ZNF85: variants seen among roughly 807,000 people sequenced by gnomAD.
The protein encoded by ZNF85 is zinc finger protein 85 (HPF4, HTF1).
ZNF85 carries 50 observed loss-of-function variants against 53.9 expected under a neutral mutation model. The ratio of observed to expected loss-of-function variants is 0.93; its 90% CI spans 0.74 to 1.17. The LOEUF (loss-of-function observed/expected upper bound fraction) is 1.17, where lower values mean the gene tolerates loss of function less well. Ranked by LOEUF, ZNF85 falls within the 50% of genes most tolerant of loss-of-function variation. The pLI is 0.00. For missense variants in ZNF85, 747 were observed against 688.5 expected (o/e 1.08, Z -0.95); for synonymous variants, 225 against 226.1 (o/e 1.00, Z 0.04).
At chr19:20,944,502 ATATAT>A (rs1201107651) in intron 3 of ZNF85, among the ~76,000 whole-genome samples, 10 of 147,154 alleles carry the variant, frequency 6.8e-5, no homozygotes, top group South Asian at 4.2e-4. Flanking sequence ...TTATATACTT[ATATAT>A]TATATTAATA....
chr19:20,923,468 TG>T, intron 1 of ZNF85, 65 bp downstream of exon 1: 1 of 1,611,768 alleles, frequency 6.2e-7, no homozygotes, highest in East Asian at 2.2e-5. Flanking sequence ...GGGAAGCGGC[TG>T]TGGCGGGACT....
chr19:20,950,435 C>A lies in ZNF85; in HGVS notation c.*133C>A. 1 of 624,326 alleles carries A rather than the reference C, an allele frequency of 1.6e-6. No individual in the cohort carries two copies. The highest frequency in any genetic ancestry group is 2.6e-6 in the Non-Finnish European group (1 of 388,160). 38.7% of individuals were successfully genotyped at this position (624,326 alleles called of 1,614,324 possible). A position where few individuals can be genotyped will look rare whatever the true frequency, so the allele number is the denominator to read the frequency against. On this transcript the variant is annotated 3_prime_UTR_variant, in exon 4 of 4. Transcript: ENST00000328178. ...CCTCAGACTTATAAAAGTAATCATACTGGTGAGAAATTCTAAAAATGTGAA... is the reference window on the plus strand; with the variant it reads ...CCTCAGACTTATAAAAGTAATCATAATGGTGAGAAATTCTAAAAATGTGAA...
At chr19:20,947,055 A>G (rs1346611810) in intron 3 of ZNF85, among the ~76,000 whole-genome samples, 5 of 151,502 alleles carry the variant, frequency 3.3e-5, no homozygotes, top group Admixed American at 6.6e-5. Flanking sequence ...TTTTGTACTA[A>G]TATGCTTTCA....
intron 3 of ZNF85, among the ~76,000 whole-genome samples, chr19:20,937,610 C>T (rs1973190086): frequency 6.6e-6 from 1 of 152,130 alleles, no homozygotes; most frequent in African/African-American, 2.4e-5. Flanking sequence ...AATGGCAGGG[C>T]TTATATCAGG....
chr19:20,943,177 G>A (rs1004152901), intron 3 of ZNF85: 1 of 268,516 alleles, frequency 3.7e-6, no homozygotes, highest in Non-Finnish European at 6.9e-6. Context: ...GAAAAGTTTT[G>A]TACATGTCTG....
At chr19:20,926,634 C>G (rs1972885676) in intron 1 of ZNF85, 1 of 152,064 alleles carries the variant, frequency 6.6e-6, no homozygotes, top group Non-Finnish European at 1.5e-5. Flanking sequence ...GGGGAGCCTC[C>G]CCTGCAGATG....
At position 20,933,188 on chromosome 19, in the gene ZNF85, G is replaced by A. The variant is rs531266065; in HGVS notation, c.4-836G>A. Among the ~76,000 whole-genome samples, 132 of 106,734 alleles carry A rather than the reference G, an allele frequency of 1.2e-3. No individual in the cohort carries two copies. The East Asian group carries it at 0.018, about 15-fold the overall frequency. 70.0% of individuals were successfully genotyped at this position (106,734 alleles called of 152,430 possible). A position where few individuals can be genotyped will look rare whatever the true frequency, so the allele number is the denominator to read the frequency against. ...AGCCTGGGCAGCAGAGCGAGACTCC[G>A]TCTCAAAAAAAAAAAAAAAAAAAAT... On this transcript the variant is annotated intron_variant, in intron 1 of 3. Coordinates refer to ENST00000328178, the MANE Select transcript of ZNF85 (RefSeq NM_003429.5).
chr19:20,933,956 TATGTGTG>T, intron 1 of ZNF85, 61 bp from the exon 2 acceptor site: 1 of 1,305,360 alleles, frequency 7.7e-7, no homozygotes, highest in Non-Finnish European at 1.0e-6. Context: ...AGTTGGTAAT[TATGTGTG>T]TGTGTGTGTG....
intron 3 of ZNF85, among the ~76,000 whole-genome samples, chr19:20,938,574 TTTTC>T (rs1973213673): frequency 2.0e-5 from 3 of 152,286 alleles, no homozygotes; most frequent in Admixed American, 2.0e-4. Context: ...CTATATACAT[TTTTC>T]TTTCTATTTT....
At chr19:20,935,966 G>T (rs1023000438) in intron 3 of ZNF85, among the ~76,000 whole-genome samples, 2 of 151,978 alleles carry the variant, frequency 1.3e-5, no homozygotes, top group South Asian at 2.1e-4. Context: ...AAATTTATTT[G>T]TGTCTTCTCT....
chr19:20,946,860 T>C (rs571204416), intron 3 of ZNF85, among the ~76,000 whole-genome samples: 5 of 151,862 alleles, frequency 3.3e-5, no homozygotes, highest in Admixed American at 6.6e-5. Flanking sequence ...GAAAGGCAAG[T>C]TGAATCCTGG....
At chr19:20,939,616 A>G (rs113474418) in intron 3 of ZNF85, among the ~76,000 whole-genome samples, 1,815 of 152,140 alleles carry the variant, frequency 0.012, 34 homozygotes, top group African/African-American at 0.035. Context: ...TATAATTTTA[A>G]ATAACTTGCA....
chr19:20,938,397 A>G (rs1172043699), intron 3 of ZNF85, among the ~76,000 whole-genome samples: 1 of 152,088 alleles, frequency 6.6e-6, no homozygotes, highest in Non-Finnish European at 1.5e-5. Flanking sequence ...GCCTGAAGCA[A>G]TTCTCCAACC....
At position 20,950,209 on chromosome 19, in the gene ZNF85, T is replaced by C. The variant is rs758822850; in HGVS notation, c.1695T>C (p.Pro565=). 2 of 1,611,072 alleles carry C rather than the reference T, an allele frequency of 1.2e-6. No homozygotes were observed. Among genetic ancestry groups the C allele is most frequent in the Non-Finnish European group, 8.5e-7 (1 of 1,178,982 alleles). Residue 565 remains proline (P), a synonymous_variant, in exon 4 of 4, where the codon CCT becomes CCC. Coordinates refer to ENST00000328178, the MANE Select transcript of ZNF85 (RefSeq NM_003429.5). The part of the protein sequence containing the change: ...KHKRIHTGEK[P]YKCEECDKAF... ...AGAGAATTCATACTGGAGAAAAACCTTACAAATGTGAAGAATGTGACAAAG... is the reference window on the plus strand; with the variant it reads ...AGAGAATTCATACTGGAGAAAAACCCTACAAATGTGAAGAATGTGACAAAG...
intron 1 of ZNF85, among the ~76,000 whole-genome samples, chr19:20,923,605 T>G (rs1462052766): frequency 6.6e-6 from 1 of 152,172 alleles, no homozygotes; most frequent in African/African-American, 2.4e-5. Flanking sequence ...GTCTCTTCCC[T>G]GCGCAGTGAC....
In ZNF85 at chr19:20,948,976, C is replaced by T. The variant is rs766055181; in HGVS notation, c.462C>T (p.Val154=). ...TTCAATGTGATAAATATGTAAAAGT[C>T]GCTCATAAATTTTCAAATTCAAACA... ...KIFQCDKYVK[V]AHKFSNSNRH... The change falls in exon 4 of 4, where the codon GTC becomes GTT. Residue 154 remains valine, a synonymous_variant. Coordinates refer to ENST00000328178, the MANE Select transcript of ZNF85 (RefSeq NM_003429.5). The T allele has an allele frequency of 2.0e-5, 33 of 1,613,336 alleles. No individual in the cohort carries two copies. Among genetic ancestry groups the T allele is most frequent in the African/African-American group, 1.6e-4 (12 of 74,864 alleles).
intron 1 of ZNF85, among the ~76,000 whole-genome samples, chr19:20,929,477 C>A (rs191116170): frequency 6.6e-6 from 1 of 152,086 alleles, no homozygotes; most frequent in African/African-American, 2.4e-5. Flanking sequence ...AGCCACTGCA[C>A]CCAGCCTATT....
At chr19:20,946,506 T>TTA (rs375716916) in intron 3 of ZNF85, 103 of 232,966 alleles carry the variant, frequency 4.4e-4, no homozygotes, top group African/African-American at 2.4e-3. Flanking sequence ...GCACTCTATG[T>TTA]GTTTCATCGA....
intron 3 of ZNF85, among the ~76,000 whole-genome samples, chr19:20,940,614 C>T (rs1166274624): frequency 6.6e-6 from 1 of 151,970 alleles, no homozygotes; most frequent in Admixed American, 6.5e-5. Flanking sequence ...AGAAATTTTA[C>T]GTCTTGTAAA....
Sources: allele counts gnomAD v4.1 joint callset (sites outside exome capture counted in the v4.1 genomes callset), GRCh38; gene constraint gnomAD v4.1.1; transcripts MANE v1.5; gene names NCBI Gene and HGNC (gene_info 2026-07-23, HGNC 2026-07-21).